The following IL18R1 variants were observed in gnomAD, a reference collection of about 807,000 sequenced individuals.
IL18R1 encodes the protein interleukin-18 receptor 1.
IL18R1 carries 40 observed loss-of-function variants against 48.5 expected under a neutral mutation model. The observed-to-expected ratio is 0.82, with a 90% CI of 0.64 to 1.07. The LOEUF is 1.07. IL18R1 is among the 50% of genes least tolerant of loss of function. The pLI, the probability that IL18R1 is intolerant of heterozygous loss-of-function variation, is 0.00. For synonymous variants in IL18R1, 232 were observed against 225.9 expected, an observed-to-expected ratio of 1.03 and a Z score of -0.24; for missense variants, 596 against 633.7, an observed-to-expected ratio of 0.94 and a Z score of 0.64.
rs774529728 is a variant in IL18R1 at position 102,367,870 on chromosome 2, C to A, written c.104C>A (p.Pro35His). The part of the protein sequence containing the change: ...RPHITVVEGE[P>H]FYLKHCSCSL... ...CACATTACTGTGGTTGAAGGGGAAC[C>A]TTTCTATCTGAAACATTGCTCGTGT... The change falls in exon 3 of 11, where the codon CCT becomes CAT. Residue 35 changes from proline (P) to histidine (H), a missense_variant. Pro to His is a moderately conservative substitution (Grantham distance 77). Around this residue, in one of 3 missense-constraint regions of IL18R1, gnomAD observed 360 missense variants for 339.4 expected, o/e 1.06. Transcript: ENST00000233957. 3 of 1,613,924 alleles carry A rather than the reference C, an allele frequency of 1.9e-6. No individual in the cohort carries two copies. The highest frequency in any genetic ancestry group is 2.5e-6 in the Non-Finnish European group (3 of 1,179,804).
chr2:102,372,089 A>G lies in IL18R1; in HGVS notation c.439A>G (p.Thr147Ala). The change falls in exon 4 of 11, where the codon ACA (threonine) becomes GCA (alanine). Residue 147 changes from threonine (T) to alanine (A), a missense_variant. Physicochemically the swap from Thr to Ala is moderately conservative, Grantham distance 58. Transcript: ENST00000233957. ...AACCTGTGAAAACAGTTACTATCAA[A>G]CACTGGTCAACAGCACATCATTGTA... ...QITCENSYYQ[T>A]LVNSTSLYKN... 1 of 1,604,002 alleles carries G rather than the reference A, an allele frequency of 6.2e-7. No homozygotes were observed. The highest frequency in any genetic ancestry group is 8.5e-7 in the Non-Finnish European group (1 of 1,177,426).
At chr2:102,365,754 G>A (rs778614875) in intron 2 of IL18R1, among the ~76,000 whole-genome samples, 35 of 152,120 alleles carry the variant, frequency 2.3e-4, no homozygotes, top group African/African-American at 7.0e-4. Context: ...AAACCTAGGC[G>A]TAGGTTCCCA....
chr2:102,393,494 T>C (rs1680657303), intron 9 of IL18R1, among the ~76,000 whole-genome samples: 1 of 152,210 alleles, frequency 6.6e-6, no homozygotes, highest in South Asian at 2.1e-4. Flanking sequence ...TGTTGTTTGG[T>C]GACCATGAGT....
In IL18R1 at chr2:102,359,790, C is replaced by T. The variant is rs552180128; in HGVS notation, c.-28-2843C>T. ...TCAGGTTTCAATGTAGTCTTCAACT[C>T]AATCACTGTACTGCCATCGAGTAAC... On this transcript the variant is annotated intron_variant, in intron 1 of 10. Coordinates refer to ENST00000233957, the MANE Select transcript of IL18R1 (RefSeq NM_003855.5). Among the ~76,000 whole-genome samples, 16 of 152,310 alleles carry T rather than the reference C, an allele frequency of 1.1e-4. No individual in the cohort carries two copies. The South Asian group carries it at 3.1e-3, about 30-fold the overall frequency.
intron 6 of IL18R1, 54 bp downstream of exon 6, chr2:102,381,736 C>G (rs376803593): frequency 3.9e-5 from 45 of 1,143,486 alleles, no homozygotes; most frequent in African/African-American, 6.1e-5. Flanking sequence ...CATAATAGAG[C>G]CTTCCAAGCG....
rs527910625 is a variant in IL18R1, at chr2:102,389,768, A to G, written c.950-288A>G. Among the ~76,000 whole-genome samples the G allele has an allele frequency of 3.9e-5, 6 of 152,368 alleles. No individual in the cohort carries two copies. In the East Asian group the frequency reaches 5.8e-4, roughly 15 times the overall value. ...TTTCAGCCTAGTATCTCTTCACCCC[A>G]GAAATCTGATTTCCACGGGTACGGA... is the stretch of plus-strand genomic sequence containing the variant. On this transcript the variant is annotated intron_variant, in intron 8 of 10. Coordinates refer to ENST00000233957, the MANE Select transcript of IL18R1 (RefSeq NM_003855.5).
intron 5 of IL18R1, among the ~76,000 whole-genome samples, chr2:102,379,393 C>T (rs953080852): frequency 2.8e-5 from 4 of 140,852 alleles, no homozygotes; most frequent in South Asian, 2.2e-4. Context: ...TGCAGTGAGC[C>T]GAGGTTGTGC....
At chr2:102,384,089 G>A (rs1210899245) in intron 6 of IL18R1, among the ~76,000 whole-genome samples, 1 of 152,212 alleles carries the variant, frequency 6.6e-6, no homozygotes, top group Admixed American at 6.5e-5. Flanking sequence ...TAGCCTGAGA[G>A]TTGAGTATCT....
intron 1 of IL18R1, among the ~76,000 whole-genome samples, chr2:102,361,572 A>G (rs1678577208): frequency 6.6e-6 from 1 of 152,160 alleles, no homozygotes; most frequent in South Asian, 2.1e-4. Context: ...TCACTCAATA[A>G]TTCCAGAAAC....
chr2:102,391,488 C>A (rs1573230886), intron 9 of IL18R1, among the ~76,000 whole-genome samples: 1 of 152,272 alleles, frequency 6.6e-6, no homozygotes, highest in East Asian at 1.9e-4. Flanking sequence ...ATTTAGTCTC[C>A]TTTTGATGGA....
chr2:102,359,384 A>T (rs146590293), intron 1 of IL18R1, among the ~76,000 whole-genome samples: 2 of 152,240 alleles, frequency 1.3e-5, no homozygotes, highest in Non-Finnish European at 2.9e-5. Flanking sequence ...CAATGAAAAC[A>T]TCTCAAAGCA....
At chr2:102,375,284 C>T (rs1679508582) in intron 4 of IL18R1, among the ~76,000 whole-genome samples, 1 of 152,180 alleles carries the variant, frequency 6.6e-6, no homozygotes, top group Non-Finnish European at 1.5e-5. Flanking sequence ...GGCTTTATTA[C>T]AATTAGTATT....
rs954527260 is a variant in IL18R1 at position 102,373,265 on chromosome 2, G to T, written c.468+1147G>T. 2.0e-5 allele frequency among the ~76,000 whole-genome samples: 3 copies of T among 152,156 alleles called. No homozygotes were observed. The South Asian group carries it at 6.2e-4, about 32-fold the overall frequency. On this transcript the variant is annotated intron_variant, in intron 4 of 10. Coordinates refer to ENST00000233957, the MANE Select transcript of IL18R1 (RefSeq NM_003855.5). ...ATTTTAAAAGCTCTTATACACCATG[G>T]AATACTATACAGCCATAAAAAAGCA...
At chr2:102,375,589 C>T (rs1003422108) in intron 4 of IL18R1, among the ~76,000 whole-genome samples, 1 of 152,168 alleles carries the variant, frequency 6.6e-6, no homozygotes. Flanking sequence ...CTCTCTGTCT[C>T]TCGCTGTTTC....
chr2:102,367,207 A>G (rs1413128199), intron 2 of IL18R1, among the ~76,000 whole-genome samples: 1 of 152,198 alleles, frequency 6.6e-6, no homozygotes, highest in East Asian at 1.9e-4. Flanking sequence ...ACAGATATGC[A>G]AATTTGGATT....
intron 8 of IL18R1, 91 bp downstream of exon 8, chr2:102,387,091 C>G (rs746951269): frequency 1.4e-5 from 19 of 1,341,394 alleles, no homozygotes; most frequent in Non-Finnish European, 2.0e-5. Flanking sequence ...TTTTCCACAC[C>G]AGAACCCAGC....
chr2:102,366,625 C>G (rs1678915722), intron 2 of IL18R1, among the ~76,000 whole-genome samples: 3 of 152,058 alleles, frequency 2.0e-5, no homozygotes. Context: ...TCTCACACTG[C>G]TAATAAAGGC....
At chr2:102,371,066 G>T (rs6742875) in intron 3 of IL18R1, among the ~76,000 whole-genome samples, 107,917 of 151,208 alleles carry the variant, frequency 0.71, 39,694 homozygotes, top group African/African-American at 0.88. Context: ...TGTTGTTGTT[G>T]TTTTTTTGAG....
chr2:102,390,934 C>CAAAAAAAA (rs57709990), intron 9 of IL18R1, among the ~76,000 whole-genome samples: 80 of 80,102 alleles, frequency 1.0e-3, no homozygotes, highest in Non-Finnish European at 1.4e-3. Flanking sequence ...GACTCCGTCT[C>CAAAAAAAA]AAAAAAAAAA....
Sources: allele counts gnomAD v4.1 joint callset (sites outside exome capture counted in the v4.1 genomes callset), GRCh38; gene constraint gnomAD v4.1.1; regional missense constraint gnomAD v4.1.1; transcripts MANE v1.5; gene names NCBI Gene and HGNC (gene_info 2026-07-23, HGNC 2026-07-21).